FAT4: variants seen among roughly 807,000 people sequenced by gnomAD.
FAT4 encodes FAT atypical cadherin 4.
FAT4 carries 84 observed loss-of-function variants against 303.9 expected under a neutral mutation model. That is an observed-to-expected ratio of 0.28 (90% CI 0.23 to 0.33). The LOEUF (loss-of-function observed/expected upper bound fraction) is 0.33, where lower values mean the gene tolerates loss of function less well. Ranked by LOEUF, FAT4 falls within the 10% of genes least tolerant of loss-of-function variation. The pLI is 1.00. For synonymous variants in FAT4, 2,307 were observed against 2,298.8 expected (o/e 1.00, Z -0.10); for missense variants, 6,005 against 6,146.8 (o/e 0.98, Z 0.77).
chr4:125,340,116 T>G (rs1731726517), intron 2 of FAT4, among the ~76,000 whole-genome samples: 1 of 152,044 alleles, frequency 6.6e-6, no homozygotes, highest in African/African-American at 2.4e-5. Context: ...GTTCAACATA[T>G]TTTTTCAAGG....
Position 125,434,353 on chromosome 4 carries a change from A to T in FAT4, c.7127A>T (p.Asp2376Val), listed in dbSNP as rs1419226693. The T allele has an allele frequency of 1.9e-6, 3 of 1,614,078 alleles. No individual in the cohort carries two copies. The highest frequency in any genetic ancestry group is 2.5e-6 in the Non-Finnish European group (3 of 1,179,952). Residue 2376 changes from aspartate (D) to valine (V), a missense_variant, in exon 8 of 18, where the codon GAT becomes GTT. Transcript: ENST00000394329. ...GCGTATTTCACAACAATTCCTGAGG[A>T]TGCACCAACTGGAACAGATGTTTTA... ...SKAYFTTIPEDAPTGTDVLLV... is the reference protein window; with the variant it reads ...SKAYFTTIPEVAPTGTDVLLV...
At chr4:125,466,629 T>C (rs28641074) in intron 11 of FAT4, among the ~76,000 whole-genome samples, 48,940 of 150,182 alleles carry the variant, frequency 0.33, 8,475 homozygotes, top group Middle Eastern at 0.43. Flanking sequence ...AAGTATATAA[T>C]GTATAAGATT....
chr4:125,334,340 C>T (rs1046358109), intron 2 of FAT4, among the ~76,000 whole-genome samples: 4 of 152,074 alleles, frequency 2.6e-5, no homozygotes, highest in Admixed American at 6.6e-5. Context: ...CACCTCTTCC[C>T]ATGCACCTGT....
rs1486945280 is a variant in FAT4, at chr4:125,492,002, T to C, written c.*234T>C. On this transcript the variant is annotated 3_prime_UTR_variant, in exon 18 of 18. Coordinates refer to ENST00000394329, the MANE Select transcript of FAT4 (RefSeq NM_001291303.3). Reference sequence around the variant, plus strand: ...GCATGCATTGTGTTTTGTAACTAGTTATGTGGCATGCAGCATTTGGAAAAT... The same window carrying C: ...GCATGCATTGTGTTTTGTAACTAGTCATGTGGCATGCAGCATTTGGAAAAT... 8.2e-6 allele frequency: 4 copies of C among 490,052 alleles called. No homozygotes were observed. Among genetic ancestry groups the C allele is most frequent in the African/African-American group, 1.9e-5 (1 of 51,612 alleles). 30.4% of individuals were successfully genotyped at this position (490,052 alleles called of 1,614,324 possible).
chr4:125,318,454 T>C lies in FAT4; in HGVS notation c.2043T>C (p.Asp681=). ...CTCGCATAAATGTGAGTCTTCTGGA[T>C]ATAAATGATAACAGCCCTGTCTTCT... is the stretch of plus-strand genomic sequence containing the variant. ...SMARINVSLL[D]INDNSPVFYP... Residue 681 remains aspartate, a synonymous_variant, in exon 2 of 18, where the codon GAT becomes GAC. Transcript: ENST00000394329. 1 of 1,614,186 alleles carries C rather than the reference T, an allele frequency of 6.2e-7. No homozygotes were observed. The highest frequency in any genetic ancestry group is 1.3e-5 in the African/African-American group (1 of 75,042).
intron 7 of FAT4, among the ~76,000 whole-genome samples, chr4:125,421,314 G>A (rs926398017): frequency 1.3e-5 from 2 of 152,128 alleles, no homozygotes; most frequent in Non-Finnish European, 2.9e-5. Flanking sequence ...CACTTTCTAA[G>A]CACACGTGGC....
chr4:125,396,100 TG>T (rs1210584386), intron 2 of FAT4, among the ~76,000 whole-genome samples: 6 of 152,178 alleles, frequency 3.9e-5, no homozygotes, highest in African/African-American at 9.6e-5. Flanking sequence ...TGATTCATTA[TG>T]TTTTTTTAAC....
At position 125,457,142 on chromosome 4, in the gene FAT4, CA is replaced by C. The variant is rs1560621158; in HGVS notation, c.11800+4333del. ...TCTCATACACACACACACACACACA[CA>C]CACACACACACACCACTGAGTATTT... is the stretch of plus-strand genomic sequence containing the variant. On this transcript the variant is annotated intron_variant, in intron 10 of 17. Transcript: ENST00000394329. Among the ~76,000 whole-genome samples, 9 of 134,092 alleles carry C rather than the reference CA, an allele frequency of 6.7e-5. 1 individual carries two copies. Among genetic ancestry groups the C allele is most frequent in the African/African-American group, 1.0e-4 (4 of 38,752 alleles). The allele number at this position is 134,092 out of a possible 152,430, so 88.0% of individuals were successfully genotyped here.
At chr4:125,482,366 A>T (rs886839634) in intron 16 of FAT4, among the ~76,000 whole-genome samples, 2 of 152,094 alleles carry the variant, frequency 1.3e-5, no homozygotes, top group Non-Finnish European at 2.9e-5. Flanking sequence ...GCTTTTACAT[A>T]ATTTGTTTTT....
chr4:125,451,257 G>C lies in FAT4; in HGVS notation c.10247G>C (p.Ser3416Thr), dbSNP rs1310398355. 2 of 1,614,112 alleles carry C rather than the reference G, an allele frequency of 1.2e-6. No individual in the cohort carries two copies. Among genetic ancestry groups the C allele is most frequent in the Middle Eastern group, 1.6e-4 (1 of 6,062 alleles). The change falls in exon 10 of 18, where the codon AGT becomes ACT. Residue 3416 changes from serine (S) to threonine (T), a missense_variant. Coordinates refer to ENST00000394329, the MANE Select transcript of FAT4 (RefSeq NM_001291303.3). ...FTLNIYSVQI[S>T]EGVPIGTHVT... The stretch of plus-strand genomic sequence containing the variant: ...CTAAACATCTACAGTGTGCAGATCA[G>C]TGAAGGGGTCCCAATAGGAACTCAT...
chr4:125,391,864 GTTA>G (rs1739409814), intron 2 of FAT4, among the ~76,000 whole-genome samples: 1 of 152,080 alleles, frequency 6.6e-6, no homozygotes. Context: ...GAATGCCTAT[GTTA>G]TTATTACATT....
intron 2 of FAT4, among the ~76,000 whole-genome samples, chr4:125,368,818 CTG>C (rs1316331583): frequency 6.6e-6 from 1 of 151,764 alleles, no homozygotes; most frequent in Admixed American, 6.6e-5. Context: ...TTTCTGGAAA[CTG>C]TACTTTTTAA....
intron 2 of FAT4, among the ~76,000 whole-genome samples, chr4:125,372,006 G>T (rs971600843): frequency 6.6e-6 from 1 of 151,902 alleles, no homozygotes; most frequent in African/African-American, 2.4e-5. Context: ...AATATTTTTT[G>T]AATAAAAGAA....
chr4:125,454,115 C>T (rs1433066484), intron 10 of FAT4, among the ~76,000 whole-genome samples: 12 of 152,180 alleles, frequency 7.9e-5, no homozygotes, highest in Non-Finnish European at 1.8e-4. Context: ...ACATAATTTA[C>T]AGTACTAGTA....
At chr4:125,422,176 TTAAA>T (rs887796394) in intron 7 of FAT4, among the ~76,000 whole-genome samples, 3 of 152,204 alleles carry the variant, frequency 2.0e-5, no homozygotes, top group African/African-American at 7.2e-5. Flanking sequence ...AATTTAATTG[TTAAA>T]TAAAGAAGAT....
intron 2 of FAT4, among the ~76,000 whole-genome samples, chr4:125,349,370 G>A (rs1732132845): frequency 6.6e-6 from 1 of 151,768 alleles, no homozygotes. Flanking sequence ...GGTTGAAAGT[G>A]TAAGTTTAAA....
intron 8 of FAT4, among the ~76,000 whole-genome samples, chr4:125,437,968 C>A (rs1005056596): frequency 4.6e-5 from 7 of 152,138 alleles, no homozygotes; most frequent in Non-Finnish European, 8.8e-5. Context: ...TAAATGTCAA[C>A]CCATATTGTT....
intron 3 of FAT4, among the ~76,000 whole-genome samples, chr4:125,400,562 T>C (rs1360957363): frequency 6.6e-6 from 1 of 151,988 alleles, no homozygotes; most frequent in Non-Finnish European, 1.5e-5. Context: ...GTGCACACAC[T>C]TGCATTGCCT....
At chr4:125,363,025 C>G (rs2125986160) in intron 2 of FAT4, 1 of 151,480 alleles carries the variant, frequency 6.6e-6, no homozygotes, top group East Asian at 1.9e-4. Context: ...ACTTTTAGAA[C>G]TCATTTGAAA....
Sources: gnomAD v4.1 joint callset for allele counts (sites outside exome capture counted in the v4.1 genomes callset) on GRCh38, gnomAD v4.1.1 for gene constraint, MANE v1.5 for transcripts, NCBI Gene and HGNC (gene_info 2026-07-23, HGNC 2026-07-21) for gene names.